The following TCF7 variants were observed in gnomAD, a reference collection of about 807,000 sequenced individuals.
TCF7 encodes T-cell-factor-7.
A neutral mutation model predicts 46.8 loss-of-function variants in TCF7; 19 were observed. The ratio of observed to expected loss-of-function variants is 0.41; its 90% confidence interval spans 0.28 to 0.60. TCF7 has a LOEUF of 0.60. Ranked by LOEUF, TCF7 falls within the 20% of genes least tolerant of loss-of-function variation. The probability of loss-of-function intolerance (pLI) is 0.35; values close to 1 mark genes in which losing one functional copy is unlikely to be tolerated. For synonymous variants in TCF7, 245 were observed against 213.4 expected, an observed-to-expected ratio of 1.15 and a Z score of -1.29; for missense variants, 547 against 504.6, an observed-to-expected ratio of 1.08 and a Z score of -0.81.
chr5:134,123,572 AAGG>A (rs893998289), intron 3 of TCF7: 8 of 413,054 alleles, frequency 1.9e-5, no homozygotes, highest in Non-Finnish European at 3.4e-5. Context: ...CACTGGAACA[AAGG>A]AGGAGAGAGG....
chr5:134,145,850 A>G, intron 9 of TCF7: 2 of 1,609,336 alleles, frequency 1.2e-6, no homozygotes, highest in Non-Finnish European at 1.7e-6. Flanking sequence ...AGGAAGCCAT[A>G]GGCATTGCGG....
At chr5:134,143,936 C>A in intron 9 of TCF7, 1 of 389,970 alleles carries the variant, frequency 2.6e-6, no homozygotes, top group East Asian at 5.0e-5. Flanking sequence ...ACCAGAGAAA[C>A]CAGCAAAGAA....
At position 134,122,063 on chromosome 5, in the gene TCF7, T is replaced by C. The variant is rs187198631; in HGVS notation, c.441+6030T>C. On this transcript the variant is annotated intron_variant, in intron 3 of 9. Coordinates refer to ENST00000342854, the MANE Select transcript of TCF7 (RefSeq NM_003202.5). ...GGCTGCGTAGTATTGGCTATCACAT[T>C]TGGAAAATCTGCAGCCTCTTTTCTG... is the stretch of plus-strand genomic sequence containing the variant. Among the ~76,000 whole-genome samples the C allele has an allele frequency of 8.6e-3, 1,316 of 152,298 alleles. 15 individuals are homozygous for C. The highest frequency in any genetic ancestry group is 0.013 in the Non-Finnish European group (910 of 68,020).
At chr5:134,115,631 G>T in intron 2 of TCF7, 1 of 1,432,290 alleles carries the variant, frequency 7.0e-7, no homozygotes, top group Non-Finnish European at 9.1e-7. Context: ...TCCTGCCCAG[G>T]TGACTGACTA....
In TCF7 at chr5:134,146,290, T is replaced by A; in HGVS notation, c.1142T>A (p.Met381Lys). 6.2e-7 allele frequency: 1 copy of A among 1,614,188 alleles called. No individual in the cohort carries two copies. The change falls in exon 10 of 10, where the codon ATG (methionine) becomes AAG (lysine). Residue 381 changes from methionine to lysine, a missense_variant. Coordinates refer to ENST00000342854, the MANE Select transcript of TCF7 (RefSeq NM_003202.5). ...KAAAPAPFLP[M>K]TVL is the part of the protein sequence containing the mutation. ...GCTGCCCCAGCCCCGTTCCTTCCGA[T>A]GACAGTGCTCTAGGCTGCCCCGGGT...
Position 134,138,075 on chromosome 5 carries a change from C to G in TCF7, c.458C>G (p.Pro153Arg), listed in dbSNP as rs144072187. 47 of 1,603,524 alleles carry G rather than the reference C, an allele frequency of 2.9e-5. No individual in the cohort carries two copies. The highest frequency in any genetic ancestry group is 6.8e-5 in the Admixed American group (4 of 58,452). ...PQPPLHKANQ[P>R]PHGVPQLSLY... ...ATTTTTCAGCACAAGGCCAATCAGCCCCCCCACGGTGTCCCCCAACTCTCT... is the reference window on the plus strand; with the variant it reads ...ATTTTTCAGCACAAGGCCAATCAGCGCCCCCACGGTGTCCCCCAACTCTCT... The change falls in exon 4 of 10, where the codon CCC becomes CGC. Residue 153 changes from proline to arginine, a missense_variant. Around this residue, in one of 3 missense-constraint regions of TCF7, gnomAD observed 425 missense variants for 349.9 expected, o/e 1.21. Coordinates refer to ENST00000342854, the MANE Select transcript of TCF7 (RefSeq NM_003202.5).
rs572273840 is a variant in TCF7, at chr5:134,118,597, T to A, written c.441+2564T>A. On this transcript the variant is annotated intron_variant, in intron 3 of 9. Coordinates refer to ENST00000342854, the MANE Select transcript of TCF7 (RefSeq NM_003202.5). ...CCACAGCCAACTGCCACGGGACACA[T>A]TTTTTTTTTTCTTCCAAAAAGGTTC... is the stretch of plus-strand genomic sequence containing the variant. 6.1e-5 allele frequency among the ~76,000 whole-genome samples: 9 copies of A among 148,268 alleles called. 1 individual carries two copies. The South Asian group carries it at 1.9e-3, about 32-fold the overall frequency.
At chr5:134,109,176 C>A in the TCF7 span, among the ~76,000 whole-genome samples, 1 of 152,160 alleles carries the variant, frequency 6.6e-6, no homozygotes, top group Non-Finnish European at 1.5e-5. Context: ...CTTCTGAGCA[C>A]CGCAGGTTGC....
In TCF7 at chr5:134,115,817, C is replaced by T. The variant is rs1580786624; in HGVS notation, c.317-92C>T. 18 of 1,582,972 alleles carry T rather than the reference C, an allele frequency of 1.1e-5. No homozygotes were observed. The East Asian group carries it at 4.0e-4, about 36-fold the overall frequency. Reference sequence around the variant, plus strand: ...CCAAGTCAGGAACTTGCAGGGGACCCCTTGGCAATTCTTTTTCTCTCAAGA... The same window carrying T: ...CCAAGTCAGGAACTTGCAGGGGACCTCTTGGCAATTCTTTTTCTCTCAAGA... On this transcript the variant is annotated intron_variant, in intron 2 of 9. Coordinates refer to ENST00000342854, the MANE Select transcript of TCF7 (RefSeq NM_003202.5).
chr5:134,123,638 C>A (rs926168593), intron 3 of TCF7: 2 of 454,646 alleles, frequency 4.4e-6, no homozygotes, highest in Non-Finnish European at 8.8e-6. Context: ...CCAGGGTCTA[C>A]GAAGGATGTG....
At position 134,146,255 on chromosome 5, in the gene TCF7, G is replaced by A. The variant is rs765504848; in HGVS notation, c.1107G>A (p.Pro369=). 101 of 1,614,018 alleles carry A rather than the reference G, an allele frequency of 6.3e-5. No homozygotes were observed. Among genetic ancestry groups the A allele is most frequent in the Non-Finnish European group, 8.1e-5 (96 of 1,180,034 alleles). ...AAAGAAATGCATTCGGTACTTACCC[G>A]GAGAAGGCCGCTGCCCCAGCCCCGT... The part of the protein sequence containing the change: ...GGKRNAFGTY[P]EKAAAPAPFL... The change falls in exon 10 of 10, where the codon CCG becomes CCA. Residue 369 remains proline, a synonymous_variant. Transcript: ENST00000342854.
chr5:134,140,591 G>A (rs543401461), intron 5 of TCF7: 2 of 343,140 alleles, frequency 5.8e-6, no homozygotes, highest in East Asian at 9.1e-5. Flanking sequence ...CCCAGGAGAA[G>A]GATACCATTT....
chr5:134,112,535 G>A (rs576250117), upstream of TCF7, among the ~76,000 whole-genome samples: 7 of 152,304 alleles, frequency 4.6e-5, no homozygotes, highest in East Asian at 1.4e-3. Flanking sequence ...GCAGGGTGGG[G>A]AGTTGGAGCT....
rs937226478 is a variant in TCF7, at chr5:134,147,255, C to T, written c.*952C>T. 1 of 152,242 alleles carries T rather than the reference C, an allele frequency of 6.6e-6. No homozygotes were observed. The highest frequency in any genetic ancestry group is 2.4e-5 in the African/African-American group (1 of 41,402). The allele number at this position is 152,242 out of a possible 1,614,324, so 9.4% of individuals were successfully genotyped here. ...ATTTGGAAGTGTTCCCTGAGAAACCCACCAGCCTAAGAAGCTCTGGCCCCA... is the reference window on the plus strand; with the variant it reads ...ATTTGGAAGTGTTCCCTGAGAAACCTACCAGCCTAAGAAGCTCTGGCCCCA... On this transcript the variant is annotated 3_prime_UTR_variant, in exon 10 of 10. Coordinates refer to ENST00000342854, the MANE Select transcript of TCF7 (RefSeq NM_003202.5).
intron 1 of TCF7, 55 bp downstream of exon 1, chr5:134,115,210 C>T: frequency 8.6e-7 from 1 of 1,164,574 alleles, no homozygotes; most frequent in Non-Finnish European, 1.1e-6. Context: ...CGCGCCGCCC[C>T]AGTTGCGCGC....
intron 3 of TCF7, among the ~76,000 whole-genome samples, chr5:134,124,077 C>T (rs1756996566): frequency 6.6e-6 from 1 of 152,088 alleles, no homozygotes. Context: ...GTCAGTGGCT[C>T]GCTCAGGTCC....
chr5:134,138,805 C>A, intron 4 of TCF7, 146 bp from the exon 5 acceptor site: 1 of 1,279,282 alleles, frequency 7.8e-7, no homozygotes, highest in Non-Finnish European at 1.1e-6. Flanking sequence ...ACACTGGGAT[C>A]CTCCTGAATA....
At chr5:134,109,831 C>A (rs1755308354), upstream of TCF7, among the ~76,000 whole-genome samples, 1 of 151,246 alleles carries the variant, frequency 6.6e-6, no homozygotes, top group Admixed American at 6.6e-5. Flanking sequence ...TGAATTTGGG[C>A]CCAAAGAAGG....
chr5:134,131,022 T>C (rs768303093), intron 3 of TCF7, among the ~76,000 whole-genome samples: 4 of 152,036 alleles, frequency 2.6e-5, no homozygotes, highest in Non-Finnish European at 4.4e-5. Flanking sequence ...ATGAGGAGGA[T>C]AGCATAGACT....
Sources: allele counts gnomAD v4.1 joint callset (sites outside exome capture counted in the v4.1 genomes callset), GRCh38; gene constraint gnomAD v4.1.1; regional missense constraint gnomAD v4.1.1; transcripts MANE v1.5; gene names NCBI Gene and HGNC (gene_info 2026-07-23, HGNC 2026-07-21).